Variants in SPOCK1 observed in about 807,000 individuals in gnomAD.
SPOCK1 encodes testican-1.
Under a neutral mutation model 55.3 loss-of-function variants are expected in SPOCK1, and 23 were observed. That is an observed-to-expected ratio of 0.42 (90% CI 0.30 to 0.59). SPOCK1 has a LOEUF of 0.59. Among genes scored for constraint, SPOCK1 ranks in the 20% least tolerant of loss-of-function variants. The probability of loss-of-function intolerance (pLI) is 0.22; values close to 1 mark genes in which losing one functional copy is unlikely to be tolerated. For missense variants in SPOCK1, 499 were observed against 552.5 expected, an observed-to-expected ratio of 0.90 and a Z score of 0.97; for synonymous variants, 226 against 221.0, an observed-to-expected ratio of 1.02 and a Z score of -0.20.
chr5:137,131,401 A>C (rs1265737147), intron 4 of SPOCK1, among the ~76,000 whole-genome samples: 1 of 152,092 alleles, frequency 6.6e-6, no homozygotes, highest in African/African-American at 2.4e-5. Flanking sequence ...CAAGGTCAGG[A>C]GATTGAGACC....
At chr5:137,101,693 T>C (rs1430923426) in intron 5 of SPOCK1, among the ~76,000 whole-genome samples, 2 of 152,246 alleles carry the variant, frequency 1.3e-5, no homozygotes, top group Admixed American at 6.5e-5. Flanking sequence ...TGAACATCTG[T>C]GCTTTCTGAA....
At chr5:137,389,976 C>T (rs1388198908) in intron 2 of SPOCK1, among the ~76,000 whole-genome samples, 1 of 152,152 alleles carries the variant, frequency 6.6e-6, no homozygotes, top group Non-Finnish European at 1.5e-5. Flanking sequence ...GTCCTGTCCA[C>T]TCTGGTCCAT....
chr5:137,027,121 C>A (rs1751692281), intron 6 of SPOCK1, among the ~76,000 whole-genome samples: 1 of 152,192 alleles, frequency 6.6e-6, no homozygotes, highest in African/African-American at 2.4e-5. Flanking sequence ...GGACAAACAT[C>A]ACCTAAAGGA....
At chr5:137,466,839 T>C (rs1753633010) in intron 2 of SPOCK1, among the ~76,000 whole-genome samples, 1 of 152,226 alleles carries the variant, frequency 6.6e-6, no homozygotes, top group Non-Finnish European at 1.5e-5. Flanking sequence ...TAGTGAGCAT[T>C]AATGATCTCA....
chr5:136,990,593 T>A (rs963626696), intron 7 of SPOCK1, among the ~76,000 whole-genome samples: 1 of 151,628 alleles, frequency 6.6e-6, no homozygotes, highest in African/African-American at 2.4e-5. Context: ...GGACATAACG[T>A]GGCCCCTTCT....
At position 137,242,844 on chromosome 5, in the gene SPOCK1, G is replaced by A. The variant is rs183620769; in HGVS notation, c.232+24166C>T. 2.6e-5 allele frequency among the ~76,000 whole-genome samples: 4 copies of A among 152,340 alleles called. No individual in the cohort carries two copies. In the East Asian group the frequency reaches 7.7e-4, roughly 29 times the overall value. ...CATATTATTTGCAAAAAGCAGGGCG[G>A]AGAACATTGTGTATAACATGTTCAT... On this transcript the variant is annotated intron_variant, in intron 3 of 10. Transcript: ENST00000394945.
At chr5:137,237,472 T>C (rs932553835) in intron 3 of SPOCK1, among the ~76,000 whole-genome samples, 9 of 152,248 alleles carry the variant, frequency 5.9e-5, no homozygotes, top group African/African-American at 2.2e-4. Context: ...TTAAGACCTC[T>C]GCCTGGACTG....
rs183609610 is a variant in SPOCK1, at chr5:136,978,922, T to A, written c.1130-78A>T. ...CACGTCAGGGGTTCCTTTGCCTGAATTGTAGGGTAAAACCAAGCAGTTTAC... is the reference window on the plus strand; with the variant it reads ...CACGTCAGGGGTTCCTTTGCCTGAAATGTAGGGTAAAACCAAGCAGTTTAC... On this transcript the variant is annotated intron_variant, in intron 10 of 10. Transcript: ENST00000394945. The A allele has an allele frequency of 3.5e-5, 51 of 1,451,906 alleles. 1 individual carries two copies. The African/African-American group carries it at 5.5e-4, about 16-fold the overall frequency. The allele number at this position is 1,451,906 out of a possible 1,614,324, so 89.9% of individuals were successfully genotyped here.
chr5:137,324,213 G>T lies in SPOCK1; in HGVS notation c.187-57158C>A, dbSNP rs569337061. 4.6e-5 allele frequency among the ~76,000 whole-genome samples: 7 copies of T among 152,328 alleles called. No individual in the cohort carries two copies. In the East Asian group the frequency reaches 1.3e-3, roughly 29 times the overall value. On this transcript the variant is annotated intron_variant, in intron 2 of 10. Transcript: ENST00000394945. ...TAATTCCAGCAATTTGGGAGGCAGAGGTGGGTGGATCACTTGAGATCAGGA... is the reference window on the plus strand; with the variant it reads ...TAATTCCAGCAATTTGGGAGGCAGATGTGGGTGGATCACTTGAGATCAGGA...
chr5:137,062,348 G>A (rs903838744), intron 6 of SPOCK1, among the ~76,000 whole-genome samples: 8 of 151,966 alleles, frequency 5.3e-5, no homozygotes, highest in Non-Finnish European at 7.4e-5. Context: ...GCAGGGAATG[G>A]GGCTGCTATG....
chr5:137,082,612 G>C (rs1752894465), intron 5 of SPOCK1, among the ~76,000 whole-genome samples: 1 of 152,294 alleles, frequency 6.6e-6, no homozygotes, highest in Non-Finnish European at 1.5e-5. Flanking sequence ...TAGGAAAAGA[G>C]ATACAAGAGA....
intron 2 of SPOCK1, among the ~76,000 whole-genome samples, chr5:137,357,202 T>C (rs1325157095): frequency 6.6e-6 from 1 of 152,136 alleles, no homozygotes; most frequent in African/African-American, 2.4e-5. Context: ...TATCTTACAC[T>C]AGTCCATCCT....
At chr5:137,325,372 T>C (rs1758056791) in intron 2 of SPOCK1, among the ~76,000 whole-genome samples, 2 of 152,188 alleles carry the variant, frequency 1.3e-5, no homozygotes, top group African/African-American at 4.8e-5. Flanking sequence ...CTGAGTTCAT[T>C]GCCCTTTGTG....
chr5:137,366,141 A>C (rs758158344), intron 2 of SPOCK1, among the ~76,000 whole-genome samples: 4 of 152,264 alleles, frequency 2.6e-5, no homozygotes, highest in Non-Finnish European at 5.9e-5. Context: ...GGATTTTTGC[A>C]CTTTAGTCAA....
At chr5:137,417,887 T>C (rs1048325293) in intron 2 of SPOCK1, among the ~76,000 whole-genome samples, 1 of 152,186 alleles carries the variant, frequency 6.6e-6, no homozygotes, top group African/African-American at 2.4e-5. Flanking sequence ...ATGTGCCATA[T>C]TGGTGTGCTG....
At chr5:137,053,831 C>T (rs754671882) in intron 6 of SPOCK1, among the ~76,000 whole-genome samples, 9 of 152,144 alleles carry the variant, frequency 5.9e-5, no homozygotes, top group South Asian at 2.1e-4. Context: ...TTGCATTTCA[C>T]GGGCCAGAAC....
chr5:137,257,455 G>A (rs945417565), intron 3 of SPOCK1, among the ~76,000 whole-genome samples: 6 of 152,106 alleles, frequency 3.9e-5, no homozygotes, highest in African/African-American at 1.2e-4. Flanking sequence ...CCCCCAACAT[G>A]AGGACACAAG....
At chr5:137,159,940 A>G (rs2127049991) in intron 3 of SPOCK1, among the ~76,000 whole-genome samples, 1 of 151,984 alleles carries the variant, frequency 6.6e-6, no homozygotes, top group East Asian at 1.9e-4. Flanking sequence ...TCTTTTCTTT[A>G]CCTTGGTGAA....
At chr5:137,087,348 G>T (rs567834147) in intron 5 of SPOCK1, among the ~76,000 whole-genome samples, 7 of 152,290 alleles carry the variant, frequency 4.6e-5, no homozygotes, top group African/African-American at 1.7e-4. Context: ...ATCTCTCTGC[G>T]CTTCAACATC....
Sources: allele counts gnomAD v4.1 joint callset (sites outside exome capture counted in the v4.1 genomes callset), GRCh38; gene constraint gnomAD v4.1.1; transcripts MANE v1.5; gene names NCBI Gene and HGNC (gene_info 2026-07-23, HGNC 2026-07-21).